Variants in TGFBR3 observed in about 807,000 individuals in gnomAD.
TGFBR3 encodes the protein transforming growth factor beta receptor 3, also known as transforming growth factor beta receptor type 3.
A neutral mutation model predicts 87.9 loss-of-function variants in TGFBR3; 46 were observed. That is an observed-to-expected ratio of 0.52 (90% CI 0.41 to 0.67). The LOEUF is 0.67. Among genes scored for constraint, TGFBR3 ranks in the 30% least tolerant of loss-of-function variants. The pLI, the probability that TGFBR3 is intolerant of heterozygous loss-of-function variation, is 0.00. For synonymous variants in TGFBR3, 381 were observed against 391.6 expected, an observed-to-expected ratio of 0.97 and a Z score of 0.32; for missense variants, 866 against 1,041.9, an observed-to-expected ratio of 0.83 and a Z score of 2.32.
chr1:91,874,405 C>T (rs557456321), intron 1 of TGFBR3, among the ~76,000 whole-genome samples: 38 of 152,276 alleles, frequency 2.5e-4, no homozygotes, highest in African/African-American at 8.9e-4. Flanking sequence ...GGGAAGTCAA[C>T]TGGGTCACCA....
At chr1:91,875,416 G>A (rs985705309) in intron 1 of TGFBR3, among the ~76,000 whole-genome samples, 57 of 152,046 alleles carry the variant, frequency 3.7e-4, no homozygotes, top group Non-Finnish European at 4.6e-4. Context: ...GGCACTGTCC[G>A]ATAGGCTGTT....
chr1:91,871,954 C>T (rs899954637), intron 1 of TGFBR3, among the ~76,000 whole-genome samples: 2 of 152,158 alleles, frequency 1.3e-5, no homozygotes, highest in Non-Finnish European at 2.9e-5. Context: ...GCACTTACTT[C>T]CTAGTATGTT....
chr1:91,881,824 G>T (rs1009038541), intron 1 of TGFBR3, among the ~76,000 whole-genome samples: 3 of 152,032 alleles, frequency 2.0e-5, no homozygotes, highest in African/African-American at 7.2e-5. Context: ...TGGATCATGA[G>T]GTCAGGAGAT....
chr1:91,838,677 G>C (rs1382808142), intron 2 of TGFBR3, among the ~76,000 whole-genome samples: 1 of 150,172 alleles, frequency 6.7e-6, no homozygotes, highest in Non-Finnish European at 1.5e-5. Context: ...CACCGCGTTA[G>C]CCAGGATGGT....
intron 3 of TGFBR3, among the ~76,000 whole-genome samples, chr1:91,784,255 G>A (rs1253603560): frequency 6.6e-6 from 1 of 152,058 alleles, no homozygotes; most frequent in Non-Finnish European, 1.5e-5. Flanking sequence ...AATGTTGAGG[G>A]GCCTAGGGAC....
intron 3 of TGFBR3, among the ~76,000 whole-genome samples, chr1:91,793,669 G>A (rs1229982147): frequency 6.6e-6 from 1 of 152,004 alleles, no homozygotes; most frequent in East Asian, 1.9e-4. Flanking sequence ...AGCCGGGCAC[G>A]GTGGCATATG....
intron 3 of TGFBR3, among the ~76,000 whole-genome samples, chr1:91,773,649 T>C (rs1327384872): frequency 6.6e-6 from 1 of 152,196 alleles, no homozygotes; most frequent in African/African-American, 2.4e-5. Flanking sequence ...GCCACTGCAC[T>C]CCAGTCTGGG....
rs566331882 is a variant in TGFBR3 at position 91,828,136 on chromosome 1, C to T, written c.62-30665G>A. On this transcript the variant is annotated intron_variant, in intron 2 of 16. Transcript: ENST00000212355. ...TACAACCTCTCACAGTCTTCTTTAT[C>T]CCTTCCCCAAGATAACTCGTCATGA... 2.5e-4 allele frequency among the ~76,000 whole-genome samples: 38 copies of T among 152,310 alleles called. No homozygotes were observed. The East Asian group carries it at 7.3e-3, about 29-fold the overall frequency.
rs1307071620 is a variant in TGFBR3 at position 91,758,697 on chromosome 1, A to C, written c.300T>G (p.Val100=). The C allele has an allele frequency of 6.2e-7, 1 of 1,613,928 alleles. No individual in the cohort carries two copies. The highest frequency in any genetic ancestry group is 8.5e-7 in the Non-Finnish European group (1 of 1,179,954). ...ISSVHIHHKS[V]VFLLNSPHPL... Reference sequence around the variant, plus strand: ...GGTGTGGGGAGTTGAGCAGGAACACAACAGACTTGTGGTGGATGTGGACTG... The same window carrying C: ...GGTGTGGGGAGTTGAGCAGGAACACCACAGACTTGTGGTGGATGTGGACTG... Residue 100 remains valine, a synonymous_variant, in exon 4 of 17, where the codon GTT becomes GTG. Transcript: ENST00000212355.
chr1:91,693,277 C>CA (rs1415842217), intron 16 of TGFBR3, among the ~76,000 whole-genome samples: 20 of 152,290 alleles, frequency 1.3e-4, no homozygotes, highest in Admixed American at 1.0e-3. Flanking sequence ...ATTTTAAGCC[C>CA]AAATGACAGT....
intron 3 of TGFBR3, among the ~76,000 whole-genome samples, chr1:91,781,203 T>G (rs1674756083): frequency 6.6e-6 from 1 of 152,204 alleles, no homozygotes; most frequent in East Asian, 1.9e-4. Context: ...ATCGTTTCAG[T>G]TCATTATTTC....
chr1:91,712,025 C>T (rs947182932), intron 13 of TGFBR3, among the ~76,000 whole-genome samples: 1 of 152,168 alleles, frequency 6.6e-6, no homozygotes, highest in African/African-American at 2.4e-5. Context: ...TCGTAAGGTA[C>T]TACTAAGTAG....
rs1670914876 is a variant in TGFBR3 at position 91,681,718 on chromosome 1, A to C, written c.*2021T>G. 1 of 434,114 alleles carries C rather than the reference A, an allele frequency of 2.3e-6. No individual in the cohort carries two copies. The highest frequency in any genetic ancestry group is 4.5e-6 in the Non-Finnish European group (1 of 221,432). The allele number at this position is 434,114 out of a possible 1,614,324, so 26.9% of individuals were successfully genotyped here. A position where few individuals can be genotyped will look rare whatever the true frequency, so the allele number is the denominator to read the frequency against. ...ACACTTAAATATATCTTTATACACA[A>C]ATTTTGTAGTAAAATATAGCTATAA... On this transcript the variant is annotated 3_prime_UTR_variant, in exon 17 of 17. Transcript: ENST00000212355.
intron 2 of TGFBR3, among the ~76,000 whole-genome samples, chr1:91,834,276 G>C (rs1676975643): frequency 6.6e-6 from 1 of 152,164 alleles, no homozygotes; most frequent in South Asian, 2.1e-4. Context: ...AATAAGAGTT[G>C]AAACCTCTCC....
At chr1:91,826,744 TA>T (rs5776121) in intron 2 of TGFBR3, among the ~76,000 whole-genome samples, 4 of 139,378 alleles carry the variant, frequency 2.9e-5, no homozygotes, top group African/African-American at 8.1e-5. Flanking sequence ...CATCCACTAT[TA>T]AAAAAAAAAA....
At chr1:91,761,762 G>GAA (rs577417342) in intron 3 of TGFBR3, among the ~76,000 whole-genome samples, 1 of 143,576 alleles carries the variant, frequency 7.0e-6, no homozygotes, top group African/African-American at 2.6e-5. Context: ...AGGCTTGGGG[G>GAA]AAAAAAAAAA....
intron 3 of TGFBR3, among the ~76,000 whole-genome samples, chr1:91,779,376 G>A (rs1571501526): frequency 6.6e-6 from 1 of 152,182 alleles, no homozygotes; most frequent in East Asian, 1.9e-4. Context: ...GGAAAATGAA[G>A]CATAAAGAAG....
chr1:91,717,726 GGT>G (rs1176761726), intron 10 of TGFBR3, among the ~76,000 whole-genome samples: 3 of 147,404 alleles, frequency 2.0e-5, no homozygotes, highest in Non-Finnish European at 3.0e-5. Context: ...CTCTGTACCA[GGT>G]CCTCCAAAGA....
intron 3 of TGFBR3, chr1:91,786,261 ATTAT>A: frequency 2.2e-6 from 1 of 456,190 alleles, no homozygotes; most frequent in South Asian, 1.5e-5. Context: ...TTATGAGAGC[ATTAT>A]TTAGAGAAGT....
Sources: gnomAD v4.1 joint callset for allele counts (sites outside exome capture counted in the v4.1 genomes callset) on GRCh38, gnomAD v4.1.1 for gene constraint, MANE v1.5 for transcripts, NCBI Gene and HGNC (gene_info 2026-07-23, HGNC 2026-07-21) for gene names.